The following NPAS3 variants were observed in gnomAD, a reference collection of about 807,000 sequenced individuals.
NPAS3 encodes the protein neuronal PAS domain-containing protein 3.
A neutral mutation model predicts 73.1 loss-of-function variants in NPAS3; 14 were observed. The observed-to-expected ratio is 0.19, with a 90% CI of 0.13 to 0.30. The LOEUF (loss-of-function observed/expected upper bound fraction) is 0.30. Among genes scored for constraint, NPAS3 ranks in the 10% least tolerant of loss-of-function variants. NPAS3 has a pLI of 1.00. For synonymous variants in NPAS3, 620 were observed against 541.5 expected (o/e 1.14, Z -2.01); for missense variants, 1,096 against 1,250.0 (o/e 0.88, Z 1.86).
At chr14:33,239,849 CA>C (rs1464045097) in intron 3 of NPAS3, among the ~76,000 whole-genome samples, 2 of 145,734 alleles carry the variant, frequency 1.4e-5, no homozygotes, top group Non-Finnish European at 3.1e-5. Context: ...TTTACTTCAA[CA>C]AAATTAGAAA....
At chr14:33,014,248 C>T (rs1595228024) in intron 1 of NPAS3, among the ~76,000 whole-genome samples, 2 of 152,130 alleles carry the variant, frequency 1.3e-5, no homozygotes, top group Admixed American at 1.3e-4. Context: ...ATGGCAGAGA[C>T]ACAGATAAGG....
At chr14:32,960,301 TA>T (rs2139215405) in intron 1 of NPAS3, among the ~76,000 whole-genome samples, 1 of 152,250 alleles carries the variant, frequency 6.6e-6, no homozygotes, top group South Asian at 2.1e-4. Flanking sequence ...TTTATTAGAG[TA>T]GCCATGGAGA....
rs540039421 is a variant in NPAS3 at position 33,040,421 on chromosome 14, C to T, written c.51-15484C>T. ...ACATCTTGATATGAAATGAGGATCA[C>T]CACAGATATTGGGGTACTTTATATA... On this transcript the variant is annotated intron_variant, in intron 1 of 11. Transcript: ENST00000356141. Among the ~76,000 whole-genome samples the T allele has an allele frequency of 2.6e-5, 4 of 152,224 alleles. No homozygotes were observed. In the South Asian group the frequency reaches 8.3e-4, roughly 32 times the overall value.
intron 5 of NPAS3, among the ~76,000 whole-genome samples, chr14:33,586,592 A>T (rs2056869816): frequency 6.6e-6 from 1 of 152,234 alleles, no homozygotes; most frequent in African/African-American, 2.4e-5. Flanking sequence ...TGTATCATTT[A>T]GTAGAACATA....
chr14:32,938,301 G>A (rs78445200), upstream of NPAS3, among the ~76,000 whole-genome samples: 56 of 152,154 alleles, frequency 3.7e-4, no homozygotes, highest in Non-Finnish European at 7.2e-4. Flanking sequence ...TCCCGGGACT[G>A]TGTCCTGCCC....
intron 7 of NPAS3, among the ~76,000 whole-genome samples, chr14:33,752,722 G>A (rs1309800035): frequency 2.0e-5 from 3 of 152,178 alleles, no homozygotes; most frequent in African/African-American, 7.2e-5. Flanking sequence ...CAATGTATCA[G>A]CCCTTCTCCG....
At chr14:33,120,364 T>C (rs892324456) in intron 2 of NPAS3, among the ~76,000 whole-genome samples, 1 of 152,142 alleles carries the variant, frequency 6.6e-6, no homozygotes, top group Non-Finnish European at 1.5e-5. Flanking sequence ...TTGCCAACTT[T>C]TGCTTACAAG....
chr14:33,786,340 G>C lies in NPAS3; in HGVS notation c.1154-7557G>C, dbSNP rs2063173387. 2.0e-5 allele frequency among the ~76,000 whole-genome samples: 3 copies of C among 152,254 alleles called. No individual in the cohort carries two copies. The South Asian group carries it at 6.2e-4, about 32-fold the overall frequency. ...ATCCTGGAAATGTTTCTGACTTTCT[G>C]AAACACTAGTTTTTACATACCTGTG... is the stretch of plus-strand genomic sequence containing the variant. On this transcript the variant is annotated intron_variant, in intron 9 of 11. Coordinates refer to ENST00000356141, the Ensembl canonical transcript of NPAS3.
chr14:33,280,975 A>G (rs1023019206), intron 3 of NPAS3, among the ~76,000 whole-genome samples: 6 of 152,204 alleles, frequency 3.9e-5, no homozygotes, highest in African/African-American at 1.4e-4. Context: ...TACTCCTTAT[A>G]TATACCAAAT....
chr14:33,228,170 T>G (rs2047707304), intron 3 of NPAS3, among the ~76,000 whole-genome samples: 1 of 152,214 alleles, frequency 6.6e-6, no homozygotes, highest in Non-Finnish European at 1.5e-5. Context: ...AGATTATGGT[T>G]TTAAAATGAT....
intron 2 of NPAS3, among the ~76,000 whole-genome samples, chr14:33,061,875 G>A (rs1024116158): frequency 2.6e-5 from 4 of 152,152 alleles, no homozygotes; most frequent in Non-Finnish European, 5.9e-5. Flanking sequence ...ACCACAGAGG[G>A]GCCATTTTTA....
chr14:33,103,093 A>G (rs2042624616), intron 2 of NPAS3, among the ~76,000 whole-genome samples: 1 of 152,184 alleles, frequency 6.6e-6, no homozygotes, highest in Non-Finnish European at 1.5e-5. Flanking sequence ...ACATACCAAT[A>G]CCTTATGAGG....
intron 3 of NPAS3, among the ~76,000 whole-genome samples, chr14:33,341,711 C>A (rs2044492324): frequency 6.6e-6 from 1 of 152,164 alleles, no homozygotes; most frequent in Non-Finnish European, 1.5e-5. Context: ...CTACACTGAT[C>A]TCTGTAGCTT....
chr14:33,420,233 T>C (rs530039311), intron 4 of NPAS3, among the ~76,000 whole-genome samples: 8 of 151,964 alleles, frequency 5.3e-5, no homozygotes, highest in African/African-American at 1.4e-4. Context: ...CTCATCCTGG[T>C]GTTTGCATTT....
intron 5 of NPAS3, among the ~76,000 whole-genome samples, chr14:33,593,150 CTG>C (rs1266934790): frequency 6.6e-6 from 1 of 152,124 alleles, no homozygotes; most frequent in Non-Finnish European, 1.5e-5. Flanking sequence ...AGTGTTTTCT[CTG>C]TATCAGGCAT....
intron 1 of NPAS3, among the ~76,000 whole-genome samples, chr14:32,968,697 C>T (rs1566413466): frequency 6.6e-6 from 1 of 151,834 alleles, no homozygotes; most frequent in Non-Finnish European, 1.5e-5. Flanking sequence ...GAGTGCTTGC[C>T]TGGGTGGTTC....
At chr14:33,736,843 T>G (rs564651986) in intron 7 of NPAS3, among the ~76,000 whole-genome samples, 10 of 152,298 alleles carry the variant, frequency 6.6e-5, no homozygotes, top group African/African-American at 1.9e-4. Context: ...TAAGTATAAT[T>G]CAATATTATT....
intron 5 of NPAS3, among the ~76,000 whole-genome samples, chr14:33,578,643 A>C (rs910353571): frequency 6.6e-6 from 1 of 152,220 alleles, no homozygotes; most frequent in Non-Finnish European, 1.5e-5. Flanking sequence ...ACTTCCATAG[A>C]GGATTTTGCT....
chr14:33,562,531 G>T (rs2055700878), intron 5 of NPAS3, among the ~76,000 whole-genome samples: 1 of 152,112 alleles, frequency 6.6e-6, no homozygotes, highest in African/African-American at 2.4e-5. Flanking sequence ...TTGATGAGGG[G>T]TCAATCAGTA....
Sources: gnomAD v4.1 joint callset for allele counts (sites outside exome capture counted in the v4.1 genomes callset) on GRCh38, gnomAD v4.1.1 for gene constraint, MANE v1.5 for transcripts, NCBI Gene and HGNC (gene_info 2026-07-23, HGNC 2026-07-21) for gene names.